The following BTAF1 variants were observed in gnomAD, a reference collection of about 807,000 sequenced individuals.
BTAF1 encodes the protein B-TFIID TATA-box binding protein associated factor 1.
A neutral mutation model predicts 227.1 loss-of-function variants in BTAF1; 38 were observed. The ratio of observed to expected loss-of-function variants is 0.17; its 90% confidence interval spans 0.13 to 0.22. The LOEUF (loss-of-function observed/expected upper bound fraction) is 0.22, where lower values mean the gene tolerates loss of function less well. BTAF1 is among the 10% of genes least tolerant of loss of function. The probability of loss-of-function intolerance (pLI) is 1.00; values close to 1 mark genes in which losing one functional copy is unlikely to be tolerated. For synonymous variants in BTAF1, 742 were observed against 751.9 expected (o/e 0.99, Z 0.21); for missense variants, 1,598 against 2,204.0 (o/e 0.73, Z 5.51).
chr10:91,998,366 A>C (rs992429937), intron 25 of BTAF1, among the ~76,000 whole-genome samples: 4 of 152,178 alleles, frequency 2.6e-5, no homozygotes, highest in African/African-American at 9.7e-5. Context: ...AATTGTTCCT[A>C]AGTTTTTCTG....
chr10:91,934,483 C>T (rs894248441), intron 1 of BTAF1, among the ~76,000 whole-genome samples: 4 of 152,038 alleles, frequency 2.6e-5, no homozygotes, highest in African/African-American at 9.7e-5. Context: ...GTGATCCTCC[C>T]ACCTCCACCT....
At chr10:91,994,913 A>C (rs1849032212) in intron 23 of BTAF1, among the ~76,000 whole-genome samples, 1 of 152,222 alleles carries the variant, frequency 6.6e-6, no homozygotes, top group South Asian at 2.1e-4. Flanking sequence ...CAGGAGCCAG[A>C]TGTAAATAGG....
intron 3 of BTAF1, among the ~76,000 whole-genome samples, chr10:91,940,342 A>T (rs1844902107): frequency 6.6e-6 from 1 of 152,132 alleles, no homozygotes. Context: ...CAAGTAATTG[A>T]CATTCTAAAA....
intron 25 of BTAF1, among the ~76,000 whole-genome samples, chr10:92,004,657 TG>T (rs1307152016): frequency 1.3e-5 from 2 of 152,022 alleles, no homozygotes; most frequent in Non-Finnish European, 2.9e-5. Context: ...TGTGTGGAGA[TG>T]GGATCTCCCT....
intron 9 of BTAF1, 66 bp from the exon 10 acceptor site, chr10:91,959,716 AAAT>A: frequency 1.8e-6 from 1 of 563,276 alleles, no homozygotes; most frequent in Non-Finnish European, 2.4e-6. Flanking sequence ...TATGTTAAAA[AAAT>A]GTGTGTGTGT....
intron 1 of BTAF1, chr10:91,935,072 C>G (rs1215382584): frequency 6.6e-6 from 1 of 152,126 alleles, no homozygotes; most frequent in Admixed American, 6.5e-5. Flanking sequence ...TCTTGTAGTC[C>G]TAGCATAGGT....
chr10:91,981,737 C>A lies in BTAF1; in HGVS notation c.1850C>A (p.Pro617His). ...GCTTGGCTTTGCTTGATGATGCAGC[C>A]TTCTCATTTACCTATCGATTTAAAT... is the stretch of plus-strand genomic sequence containing the variant. ...MGAWLCLMMQ[P>H]SHLPIDLNML... is the part of the protein sequence containing the mutation. Residue 617 changes from proline to histidine, a missense_variant, in exon 16 of 38, where the codon CCT (proline) becomes CAT (histidine). Around this residue, in one of 10 missense-constraint regions of BTAF1, gnomAD observed 318 missense variants for 435.0 expected, o/e 0.73. Coordinates refer to ENST00000265990, the MANE Select transcript of BTAF1 (RefSeq NM_003972.3). 2 of 1,613,768 alleles carry A rather than the reference C, an allele frequency of 1.2e-6. No homozygotes were observed. Among genetic ancestry groups the A allele is most frequent in the Admixed American group, 1.7e-5 (1 of 59,950 alleles).
chr10:91,941,900 C>T (rs1845026272), intron 3 of BTAF1, among the ~76,000 whole-genome samples: 1 of 152,182 alleles, frequency 6.6e-6, no homozygotes, highest in Non-Finnish European at 1.5e-5. Context: ...GGAAAAGGAA[C>T]CACCAACTTA....
chr10:92,022,906 T>C (rs1851241532), intron 34 of BTAF1, among the ~76,000 whole-genome samples: 1 of 152,140 alleles, frequency 6.6e-6, no homozygotes, highest in South Asian at 2.1e-4. Flanking sequence ...TTCTACTATA[T>C]AATAAAAATC....
At chr10:91,925,395 T>G (rs984761547) in intron 1 of BTAF1, among the ~76,000 whole-genome samples, 1 of 152,214 alleles carries the variant, frequency 6.6e-6, no homozygotes, top group Non-Finnish European at 1.5e-5. Flanking sequence ...TAATAGTGTT[T>G]AAGGAGATGA....
chr10:91,943,512 G>T (rs1347373844), intron 4 of BTAF1, among the ~76,000 whole-genome samples: 1 of 152,102 alleles, frequency 6.6e-6, no homozygotes, highest in Non-Finnish European at 1.5e-5. Context: ...ATAACACTCT[G>T]TTGCTAATTA....
At chr10:91,991,295 T>TATATATATATA (rs1266180286) in intron 20 of BTAF1, among the ~76,000 whole-genome samples, 12 of 133,404 alleles carry the variant, frequency 9.0e-5, no homozygotes, top group East Asian at 7.1e-4. Flanking sequence ...TATATATAAA[T>TATATATATATA]TATCCGGACG....
At chr10:91,934,739 T>C (rs183629246) in intron 1 of BTAF1, among the ~76,000 whole-genome samples, 3 of 152,326 alleles carry the variant, frequency 2.0e-5, no homozygotes, top group Admixed American at 1.3e-4. Flanking sequence ...CAAACTGTTA[T>C]TCATTTCCCT....
intron 33 of BTAF1, among the ~76,000 whole-genome samples, chr10:92,017,346 C>A (rs1850808275): frequency 1.3e-5 from 2 of 152,156 alleles, no homozygotes; most frequent in South Asian, 2.1e-4. Context: ...CAAGTCAGAT[C>A]ATGCCTCATA....
intron 11 of BTAF1, 27 bp downstream of exon 11, chr10:91,960,181 T>C: frequency 1.2e-6 from 2 of 1,603,250 alleles, no homozygotes; most frequent in South Asian, 1.1e-5. Context: ...TTGAAGCTTA[T>C]GTGGGAGAGT....
chr10:91,989,390 A>G lies in BTAF1; in HGVS notation c.2664A>G (p.Glu888=), dbSNP rs1001038841. 6.2e-7 allele frequency: 1 copy of G among 1,614,234 alleles called. No homozygotes were observed. Among genetic ancestry groups the G allele is most frequent in the Non-Finnish European group, 8.5e-7 (1 of 1,180,046 alleles). ...IKPLMETIKK[E]ENTLVQNYAA... ...CATTAATGGAGACAATTAAAAAAGA[A>G]GAGAATACACTAGTGCAAAACTATG... The change falls in exon 20 of 38, where the codon GAA becomes GAG. Residue 888 remains glutamate (E), a synonymous_variant. Transcript: ENST00000265990.
chr10:92,002,829 G>C (rs928670564), intron 25 of BTAF1, among the ~76,000 whole-genome samples: 3 of 151,808 alleles, frequency 2.0e-5, no homozygotes, highest in Non-Finnish European at 4.4e-5. Context: ...CAAATTTTTT[G>C]GTCTCATTAC....
chr10:91,959,970 G>T lies in BTAF1; in HGVS notation c.1087-8G>T. The T allele has an allele frequency of 6.2e-7, 1 of 1,600,200 alleles. No individual in the cohort carries two copies. The highest frequency in any genetic ancestry group is 8.5e-7 in the Non-Finnish European group (1 of 1,174,462). ...CAAATATGAGTTTTCTTCCTTTTTC[G>T]TCTGTAGGTTGTGGCACCAGTTCGT... On this transcript the variant is annotated splice_region_variant and splice_polypyrimidine_tract_variant and intron_variant, in intron 10 of 37. Transcript: ENST00000265990.
intron 1 of BTAF1, among the ~76,000 whole-genome samples, chr10:91,930,593 C>G (rs1401479195): frequency 2.0e-5 from 3 of 152,076 alleles, no homozygotes; most frequent in Non-Finnish European, 2.9e-5. Flanking sequence ...TCAAATTACC[C>G]ACAACATGAC....
Sources: gnomAD v4.1 joint callset for allele counts (sites outside exome capture counted in the v4.1 genomes callset) on GRCh38, gnomAD v4.1.1 for gene constraint, gnomAD v4.1.1 regional missense constraint, MANE v1.5 for transcripts, NCBI Gene and HGNC (gene_info 2026-07-23, HGNC 2026-07-21) for gene names.